Variants in CFAP57 observed in about 807,000 individuals in gnomAD.
CFAP57 encodes the protein cilia- and flagella-associated protein 57.
In CFAP57, 116 loss-of-function variants were observed where a neutral mutation model predicts 146.8. That is an observed-to-expected ratio of 0.79 (90% confidence interval 0.68 to 0.92). The LOEUF (loss-of-function observed/expected upper bound fraction) is 0.92, where lower values mean the gene tolerates loss of function less well. Ranked by LOEUF, CFAP57 falls within the 40% of genes least tolerant of loss-of-function variation. The probability of loss-of-function intolerance (pLI) is 0.00; values close to 1 mark genes in which losing one functional copy is unlikely to be tolerated. For synonymous variants in CFAP57, 518 were observed against 552.8 expected (o/e 0.94, Z 0.88); for missense variants, 1,377 against 1,527.2 (o/e 0.90, Z 1.64).
rs764205138 is a variant in CFAP57 at position 43,236,590 on chromosome 1, TAAAAAAA to T, written c.3405+1973_3405+1979del. The stretch of plus-strand genomic sequence containing the variant: ...CACTGGCCTGGTACAGAATAAGTGC[TAAAAAAA>T]AAAAAAAAAAAAAAAAAAAAGGCAA... On this transcript the variant is annotated intron_variant, in intron 21 of 22. Coordinates refer to ENST00000372492, the MANE Select transcript of CFAP57 (RefSeq NM_001378189.1). Among the ~76,000 whole-genome samples the T allele has an allele frequency of 9.6e-4, 40 of 41,806 alleles. 1 individual carries two copies. The highest frequency in any genetic ancestry group is 4.3e-3 in the Admixed American group (10 of 2,314). The allele number at this position is 41,806 out of a possible 152,430, so 27.4% of individuals were successfully genotyped here.
At position 43,226,990 on chromosome 1, in the gene CFAP57, G is replaced by A. The variant is rs1645270297; in HGVS notation, c.2873G>A (p.Arg958Gln). 2 of 1,513,474 alleles carry A rather than the reference G, an allele frequency of 1.3e-6. No homozygotes were observed. The highest frequency in any genetic ancestry group is 1.8e-6 in the Non-Finnish European group (2 of 1,130,844). 93.8% of individuals were successfully genotyped at this position (1,513,474 alleles called of 1,614,324 possible). Residue 958 changes from arginine to glutamine, a missense_variant, in exon 18 of 23, where the codon CGA becomes CAA. Arg to Gln is a conservative substitution (Grantham distance 43, BLOSUM62 1). Transcript: ENST00000372492. ...RDETIQDKEK[R>Q]IYDLKKKNQE... is the part of the protein sequence containing the mutation. ...CTCTCATCTCACCCCCAGGAGAAGC[G>A]AATTTATGATCTGAAAAAGAAAAAT...
Position 43,232,505 on chromosome 1 carries a change from C to T in CFAP57, c.3010-3C>T, listed in dbSNP as rs1447445051. On this transcript the variant is annotated splice_polypyrimidine_tract_variant and splice_region_variant and intron_variant, in intron 18 of 22. Transcript: ENST00000372492. ...CTTGACTCTTTTCCCTTGTTGTCTA[C>T]AGATGGAAGCTGAACTGGAGAATTT... 1 of 1,548,764 alleles carries T rather than the reference C, an allele frequency of 6.5e-7. No individual in the cohort carries two copies. Among genetic ancestry groups the T allele is most frequent in the South Asian group, 1.2e-5 (1 of 84,022 alleles).
At chr1:43,239,504 A>G (rs1645828884) in intron 21 of CFAP57, among the ~76,000 whole-genome samples, 1 of 152,196 alleles carries the variant, frequency 6.6e-6, no homozygotes, top group Non-Finnish European at 1.5e-5. Context: ...GGGGGCCTTT[A>G]CAGCAGAACA....
chr1:43,232,334 G>A (rs1570274774), intron 18 of CFAP57, among the ~76,000 whole-genome samples, 174 bp from the exon 19 acceptor site: 6 of 152,178 alleles, frequency 3.9e-5, no homozygotes, highest in African/African-American at 1.4e-4. Context: ...GGGGTGGGGA[G>A]CTGTTAGGAA....
At chr1:43,176,645 C>G (rs147456495) in intron 2 of CFAP57, among the ~76,000 whole-genome samples, 2 of 152,326 alleles carry the variant, frequency 1.3e-5, no homozygotes, top group Non-Finnish European at 2.9e-5. Context: ...GCTGTCCTCA[C>G]AGTGCTTCCA....
intron 4 of CFAP57, among the ~76,000 whole-genome samples, chr1:43,184,665 C>G (rs1284054662): frequency 6.6e-6 from 1 of 151,634 alleles, no homozygotes; most frequent in Non-Finnish European, 1.5e-5. Flanking sequence ...CCAATGACAT[C>G]CTGTAGATTC....
Position 43,174,911 on chromosome 1 carries a change from C to A in CFAP57, c.157+2001C>A, listed in dbSNP as rs1467820999. Among the ~76,000 whole-genome samples, 5 of 152,178 alleles carry A rather than the reference C, an allele frequency of 3.3e-5. No individual in the cohort carries two copies. The South Asian group carries it at 6.2e-4, about 19-fold the overall frequency. Reference sequence around the variant, plus strand: ...TAATTTATATTTGCTCTCATACTTACCAAACTTTTTCCCACCATTACTCTT... The same window carrying A: ...TAATTTATATTTGCTCTCATACTTAACAAACTTTTTCCCACCATTACTCTT... On this transcript the variant is annotated intron_variant, in intron 2 of 22. Transcript: ENST00000372492.
chr1:43,203,780 T>G (rs1428090703), intron 9 of CFAP57, among the ~76,000 whole-genome samples: 1 of 152,192 alleles, frequency 6.6e-6, no homozygotes, highest in African/African-American at 2.4e-5. Flanking sequence ...TTTTCTTATC[T>G]TTGGCTTTCA....
chr1:43,230,299 C>T (rs959873535), intron 18 of CFAP57, among the ~76,000 whole-genome samples: 26 of 152,326 alleles, frequency 1.7e-4, no homozygotes, highest in African/African-American at 4.3e-4. Flanking sequence ...TGGCCTAGGA[C>T]GCTATCATCT....
intron 18 of CFAP57, among the ~76,000 whole-genome samples, chr1:43,229,713 T>C (rs541447622): frequency 6.7e-6 from 1 of 148,288 alleles, no homozygotes; most frequent in African/African-American, 2.5e-5. Flanking sequence ...TAGGGCAGGG[T>C]TTCTCAAGCT....
chr1:43,210,005 C>T (rs1256261613), intron 11 of CFAP57, 89 bp downstream of exon 11: 1 of 1,612,454 alleles, frequency 6.2e-7, no homozygotes, highest in Non-Finnish European at 8.5e-7. Flanking sequence ...TGTCTTTTCT[C>T]TCTCCTTCTT....
chr1:43,174,966 T>C (rs1295554173), intron 2 of CFAP57, among the ~76,000 whole-genome samples: 1 of 152,244 alleles, frequency 6.6e-6, no homozygotes, highest in East Asian at 1.9e-4. Context: ...CTGGGATCAT[T>C]TTCCTTCTGC....
rs1271523156 is a variant in CFAP57, at chr1:43,199,485, GAAAGGACACA to G, written c.1525_1534del (p.Lys509GlnfsTer16). On this transcript the variant is annotated frameshift_variant, in exon 9 of 23. Transcript: ENST00000372492. LOFTEE classifies it high-confidence loss of function. The stretch of plus-strand genomic sequence containing the variant: ...CGAGCCTAGAGAACATCTCAAGCCT[GAAAGGACACA>G]CAGGGAAGGTAAGTGAGTGAACAGT... 1.2e-6 allele frequency: 2 copies of G among 1,614,182 alleles called. No homozygotes were observed. Among genetic ancestry groups the G allele is most frequent in the Non-Finnish European group, 1.7e-6 (2 of 1,180,040 alleles).
At chr1:43,203,921 A>C (rs185341938) in intron 9 of CFAP57, among the ~76,000 whole-genome samples, 1 of 152,148 alleles carries the variant, frequency 6.6e-6, no homozygotes, top group Admixed American at 6.5e-5. Context: ...ATTTATTTGA[A>C]TATTTGTTGT....
chr1:43,175,802 G>A (rs931379248), intron 2 of CFAP57, among the ~76,000 whole-genome samples: 3 of 148,662 alleles, frequency 2.0e-5, no homozygotes, highest in African/African-American at 7.6e-5. Flanking sequence ...CACCACACCT[G>A]ACGTTCATGT....
At chr1:43,216,006 A>T (rs971164466) in intron 12 of CFAP57, among the ~76,000 whole-genome samples, 1 of 152,196 alleles carries the variant, frequency 6.6e-6, no homozygotes, top group Non-Finnish European at 1.5e-5. Flanking sequence ...GATGCAGTAA[A>T]CATTCCATAA....
At chr1:43,206,969 C>T (rs558222482) in intron 10 of CFAP57, 37 bp downstream of exon 10, 10 of 1,597,754 alleles carry the variant, frequency 6.3e-6, no homozygotes, top group Middle Eastern at 2.0e-4. Context: ...GGCTGGTGCA[C>T]GGATCTGCAG....
chr1:43,235,249 A>T (rs963075508), intron 21 of CFAP57, among the ~76,000 whole-genome samples: 1 of 152,048 alleles, frequency 6.6e-6, no homozygotes, highest in Non-Finnish European at 1.5e-5. Flanking sequence ...TGGATCCTTC[A>T]TAGGCTGTTC....
At chr1:43,239,352 T>C (rs1645821125) in intron 21 of CFAP57, among the ~76,000 whole-genome samples, 1 of 151,736 alleles carries the variant, frequency 6.6e-6, no homozygotes, top group Non-Finnish European at 1.5e-5. Context: ...GGGAGCATCA[T>C]GAAGATGTCA....
Sources: gnomAD v4.1 joint callset for allele counts (sites outside exome capture counted in the v4.1 genomes callset) on GRCh38, gnomAD v4.1.1 for gene constraint, MANE v1.5 for transcripts, NCBI Gene and HGNC (gene_info 2026-07-23, HGNC 2026-07-21) for gene names.